The following DPP6 variants were observed in gnomAD, a reference collection of about 807,000 sequenced individuals.
DPP6 encodes A-type potassium channel modulatory protein DPP6.
A neutral mutation model predicts 122.6 loss-of-function variants in DPP6; 69 were observed. The ratio of observed to expected loss-of-function variants is 0.56; its 90% CI spans 0.46 to 0.69. The LOEUF (loss-of-function observed/expected upper bound fraction) is 0.69, where lower values mean the gene tolerates loss of function less well. DPP6 is among the 30% of genes least tolerant of loss of function. The pLI is 0.00. For synonymous variants in DPP6, 418 were observed against 433.1 expected (o/e 0.97, Z 0.43); for missense variants, 928 against 1,116.9 (o/e 0.83, Z 2.41).
intron 16 of DPP6, among the ~76,000 whole-genome samples, chr7:154,814,798 G>T (rs1259131817): frequency 6.6e-6 from 1 of 152,146 alleles, no homozygotes; most frequent in Non-Finnish European, 1.5e-5. Flanking sequence ...GGCATTTTTT[G>T]ACTTACCAAT....
intron 5 of DPP6, among the ~76,000 whole-genome samples, chr7:154,602,960 T>A (rs544397208): frequency 9.9e-6 from 1 of 100,640 alleles, no homozygotes; most frequent in Non-Finnish European, 2.3e-5. Context: ...CTTTTGTTTA[T>A]CTGAAGAATT....
At chr7:154,724,251 G>A (rs1000969504) in intron 7 of DPP6, among the ~76,000 whole-genome samples, 7 of 152,210 alleles carry the variant, frequency 4.6e-5, no homozygotes, top group African/African-American at 9.6e-5. Flanking sequence ...GAGAGGGGGC[G>A]ACTTGCCCAA....
intron 6 of DPP6, among the ~76,000 whole-genome samples, chr7:154,666,923 G>A (rs1838204091): frequency 6.6e-6 from 1 of 152,174 alleles, no homozygotes; most frequent in South Asian, 2.1e-4. Flanking sequence ...TCTCTGAAAT[G>A]ATTGCACCAG....
intron 5 of DPP6, among the ~76,000 whole-genome samples, chr7:154,594,316 AG>A (rs1832966029): frequency 1.3e-5 from 2 of 152,286 alleles, no homozygotes; most frequent in African/African-American, 4.8e-5. Flanking sequence ...TCACGGGTGT[AG>A]GGGTTTAGGG....
intron 1 of DPP6, among the ~76,000 whole-genome samples, chr7:154,384,604 G>C (rs1046972125): frequency 4.6e-5 from 7 of 152,134 alleles, no homozygotes; most frequent in African/African-American, 1.7e-4. Flanking sequence ...CAGTTTTTTA[G>C]TGAAAAACAC....
At chr7:154,220,721 A>G (rs75494949) in intron 1 of DPP6, among the ~76,000 whole-genome samples, 3,908 of 152,236 alleles carry the variant, frequency 0.026, 67 homozygotes, top group South Asian at 0.064. Flanking sequence ...TGTTTTTTCT[A>G]AAGTACCCAG....
At chr7:154,368,217 A>G in intron 1 of DPP6, among the ~76,000 whole-genome samples, 1 of 152,238 alleles carries the variant, frequency 6.6e-6, no homozygotes, top group East Asian at 1.9e-4. Context: ...TCAGCCGACT[A>G]CTGCGATGTA....
At chr7:153,780,565 G>A in the DPP6 span, among the ~76,000 whole-genome samples, 2 of 152,220 alleles carry the variant, frequency 1.3e-5, no homozygotes, top group African/African-American at 4.8e-5. Flanking sequence ...TGGACTTTGG[G>A]ATCTGAAGAA....
chr7:154,760,209 T>A lies in DPP6; in HGVS notation c.884-9208T>A, dbSNP rs1795445976. ...CTGGCTTCAAGGCAGTAATTTTATT[T>A]TTAAAGGAAAAGGATTCAGCAGGCG... On this transcript the variant is annotated intron_variant, in intron 8 of 25. Transcript: ENST00000377770. The surrounding 1 kb of genome is among the most constrained non-coding windows in gnomAD (Gnocchi z 4.5). 6.6e-6 allele frequency among the ~76,000 whole-genome samples: 1 copy of A among 152,192 alleles called. No homozygotes were observed. Among genetic ancestry groups the A allele is most frequent in the South Asian group, 2.1e-4 (1 of 4,830 alleles).
chr7:154,747,430 A>G (rs537479609), intron 8 of DPP6, among the ~76,000 whole-genome samples: 2 of 152,308 alleles, frequency 1.3e-5, no homozygotes, highest in East Asian at 3.9e-4. Context: ...TGGCTTCACA[A>G]TTCTACCTCC....
At chr7:154,574,342 GGTATGT>G (rs1366311568) in intron 5 of DPP6, among the ~76,000 whole-genome samples, 1 of 140,680 alleles carries the variant, frequency 7.1e-6, no homozygotes. Flanking sequence ...GTTTGTGTGT[GGTATGT>G]GTATATGTGT....
chr7:154,449,468 C>T (rs375507753), intron 2 of DPP6, among the ~76,000 whole-genome samples: 6 of 151,994 alleles, frequency 3.9e-5, no homozygotes, highest in African/African-American at 1.5e-4. Context: ...GAAATGGGAA[C>T]CTTCTTACAT....
At chr7:154,456,386 G>C (rs1219421180) in intron 2 of DPP6, among the ~76,000 whole-genome samples, 1 of 152,150 alleles carries the variant, frequency 6.6e-6, no homozygotes, top group Admixed American at 6.5e-5. Context: ...GTGATAATTT[G>C]CAGGACCTCC....
At chr7:154,105,768 C>T (rs1482025902) in intron 1 of DPP6, among the ~76,000 whole-genome samples, 1 of 152,116 alleles carries the variant, frequency 6.6e-6, no homozygotes, top group Non-Finnish European at 1.5e-5. Context: ...CTTTACTTCT[C>T]CTTTGCCTTC....
intron 1 of DPP6, among the ~76,000 whole-genome samples, chr7:154,070,011 C>T (rs1803003798): frequency 6.6e-6 from 1 of 151,078 alleles, no homozygotes; most frequent in South Asian, 2.1e-4. Flanking sequence ...GAGATTGTGC[C>T]ACTGCACTCC....
chr7:154,073,025 C>G (rs1225856203), intron 1 of DPP6, among the ~76,000 whole-genome samples: 4 of 152,210 alleles, frequency 2.6e-5, no homozygotes, highest in Admixed American at 2.6e-4. Context: ...CCTGTGAGTC[C>G]TCCTGCTCCC....
chr7:154,616,122 G>A (rs1438951813), intron 5 of DPP6, among the ~76,000 whole-genome samples: 1 of 152,152 alleles, frequency 6.6e-6, no homozygotes, highest in Non-Finnish European at 1.5e-5. Context: ...CCACCCAGAT[G>A]TCTCTAATTT....
At chr7:154,519,491 G>A (rs1338354008) in intron 3 of DPP6, among the ~76,000 whole-genome samples, 1 of 152,206 alleles carries the variant, frequency 6.6e-6, no homozygotes, top group African/African-American at 2.4e-5. Flanking sequence ...GTGCCATCAG[G>A]CACTTTGACA....
At chr7:154,476,313 A>G (rs976731606) in intron 3 of DPP6, among the ~76,000 whole-genome samples, 1 of 152,206 alleles carries the variant, frequency 6.6e-6, no homozygotes, top group Non-Finnish European at 1.5e-5. Context: ...AAACAAAACA[A>G]AACAGCACAG....
Sources: gnomAD v4.1 joint callset for allele counts (sites outside exome capture counted in the v4.1 genomes callset) on GRCh38, gnomAD v4.1.1 for gene constraint, Gnocchi (gnomAD v3.1) non-coding constraint, MANE v1.5 for transcripts, NCBI Gene and HGNC (gene_info 2026-07-23, HGNC 2026-07-21) for gene names.